Variants in TENM4 observed in about 807,000 individuals in gnomAD.
The protein encoded by TENM4 is teneurin-4.
Under a neutral mutation model 243.3 loss-of-function variants are expected in TENM4, and 82 were observed. The ratio of observed to expected loss-of-function variants is 0.34; its 90% confidence interval spans 0.28 to 0.40. TENM4 has a LOEUF of 0.40. Among genes scored for constraint, TENM4 ranks in the 10% least tolerant of loss-of-function variants. The pLI is 1.00. For synonymous variants in TENM4, 1,412 were observed against 1,456.3 expected (o/e 0.97, Z 0.69); for missense variants, 3,138 against 3,673.3 (o/e 0.85, Z 3.77).
intron 2 of TENM4, among the ~76,000 whole-genome samples, chr11:79,248,686 C>T (rs1855561023): frequency 6.6e-6 from 1 of 152,188 alleles, no homozygotes; most frequent in Admixed American, 6.5e-5. Flanking sequence ...CACAAGAGAC[C>T]TTTGAGTTAT....
intron 25 of TENM4, among the ~76,000 whole-genome samples, chr11:78,714,010 A>G (rs922714270): frequency 3.3e-5 from 5 of 152,138 alleles, no homozygotes; most frequent in African/African-American, 9.7e-5. Context: ...CTCTGTTTGG[A>G]CCGGATGGTC....
intron 6 of TENM4, among the ~76,000 whole-genome samples, chr11:78,922,348 G>A (rs1297530084): frequency 6.6e-6 from 1 of 152,194 alleles, no homozygotes; most frequent in East Asian, 1.9e-4. Context: ...ATGTCTTTAT[G>A]ATGACAATTC....
chr11:79,072,713 A>G lies in TENM4; in HGVS notation c.-65-2704T>C, dbSNP rs1860446627. Among the ~76,000 whole-genome samples the G allele has an allele frequency of 6.6e-5, 10 of 152,298 alleles. No homozygotes were observed. In the South Asian group the frequency reaches 2.1e-3, roughly 32 times the overall value. On this transcript the variant is annotated intron_variant, in intron 4 of 33. Transcript: ENST00000278550. ...AACCCAATACTGGCTTTCAACGCAA[A>G]GCACTATTCTGGTATAATTTGAATG... is the stretch of plus-strand genomic sequence containing the variant.
At chr11:79,149,001 C>T (rs139502667) in intron 3 of TENM4, among the ~76,000 whole-genome samples, 195 bp from the exon 4 acceptor site, 5 of 152,240 alleles carry the variant, frequency 3.3e-5, no homozygotes, top group Non-Finnish European at 5.9e-5. Flanking sequence ...ACTAAAGTAG[C>T]TACTAGCACA....
intron 7 of TENM4, among the ~76,000 whole-genome samples, chr11:78,902,355 G>A (rs1394978475): frequency 2.6e-5 from 4 of 152,212 alleles, no homozygotes; most frequent in East Asian, 1.9e-4. Flanking sequence ...TGTAGGCAGA[G>A]GGAAGGAGAA....
intron 1 of TENM4, among the ~76,000 whole-genome samples, chr11:79,375,297 T>A (rs1317403645): frequency 6.6e-6 from 1 of 152,152 alleles, no homozygotes; most frequent in African/African-American, 2.4e-5. Context: ...TGTTCTTATT[T>A]AAAAAATTTG....
Position 78,656,738 on chromosome 11 carries a change from T to C in TENM4, c.*1320A>G. ...CATCAGCTCTTCCCTCCTTTCTTCC[T>C]GTCACTAAAAAACACATTGGGTGGG... On this transcript the variant is annotated 3_prime_UTR_variant, in exon 34 of 34. Coordinates refer to ENST00000278550, the MANE Select transcript of TENM4 (RefSeq NM_001098816.3). 2 of 306,328 alleles carry C rather than the reference T, an allele frequency of 6.5e-6. No homozygotes were observed. Among genetic ancestry groups the C allele is most frequent in the African/African-American group, 4.3e-5 (2 of 46,760 alleles). 19.0% of individuals were successfully genotyped at this position (306,328 alleles called of 1,614,324 possible).
At chr11:79,383,356 C>A (rs1349461370) in intron 1 of TENM4, among the ~76,000 whole-genome samples, 9 of 152,226 alleles carry the variant, frequency 5.9e-5, no homozygotes, top group African/African-American at 2.2e-4. Flanking sequence ...TTTGGTTCCA[C>A]CCCCAGGTGC....
chr11:78,894,147 A>T (rs1238312909), intron 7 of TENM4, among the ~76,000 whole-genome samples: 1 of 152,332 alleles, frequency 6.6e-6, no homozygotes, highest in East Asian at 1.9e-4. Flanking sequence ...AGCAGAAGGC[A>T]TTCTGATTGT....
intron 25 of TENM4, among the ~76,000 whole-genome samples, chr11:78,713,410 A>G (rs1415468109): frequency 1.3e-5 from 2 of 152,240 alleles, no homozygotes; most frequent in East Asian, 1.9e-4. Flanking sequence ...CTGTTTCTGG[A>G]AAACAGTTAT....
chr11:79,328,041 T>A (rs1270519347), intron 1 of TENM4, among the ~76,000 whole-genome samples: 1 of 152,216 alleles, frequency 6.6e-6, no homozygotes, highest in Non-Finnish European at 1.5e-5. Flanking sequence ...AAGCTTCCTT[T>A]GAAAGGCATC....
intron 22 of TENM4, among the ~76,000 whole-genome samples, chr11:78,729,150 G>C (rs570978871): frequency 8.5e-5 from 13 of 152,224 alleles, no homozygotes; most frequent in Admixed American, 7.9e-4. Flanking sequence ...CACTTTTCAG[G>C]GCCCTTTGGT....
intron 4 of TENM4, among the ~76,000 whole-genome samples, chr11:79,110,082 A>T (rs936865822): frequency 1.3e-5 from 2 of 152,166 alleles, no homozygotes; most frequent in African/African-American, 4.8e-5. Context: ...CATCCCTTCT[A>T]TAAAGTCTTC....
intron 17 of TENM4, among the ~76,000 whole-genome samples, chr11:78,774,341 T>C (rs1856701161): frequency 6.6e-6 from 1 of 152,194 alleles, no homozygotes; most frequent in African/African-American, 2.4e-5. Context: ...ATGGTCCTTA[T>C]AAATAAATCC....
At chr11:79,219,380 A>T (rs1326840528) in intron 2 of TENM4, among the ~76,000 whole-genome samples, 1 of 152,228 alleles carries the variant, frequency 6.6e-6, no homozygotes, top group Non-Finnish European at 1.5e-5. Context: ...CAGAGATGTG[A>T]CATAATTGGA....
At chr11:79,090,411 A>C (rs191412058) in intron 4 of TENM4, among the ~76,000 whole-genome samples, 73 of 152,392 alleles carry the variant, frequency 4.8e-4, no homozygotes, top group African/African-American at 1.5e-3. Context: ...CAACATGCAG[A>C]CACCCGTGCA....
chr11:78,703,245 C>A (rs56754461), intron 27 of TENM4, among the ~76,000 whole-genome samples: 2,745 of 152,276 alleles, frequency 0.018, 75 homozygotes, highest in African/African-American at 0.063. Context: ...GTGTGGTCAT[C>A]AGCATCAGCT....
chr11:78,818,294 A>G (rs1857651952), intron 12 of TENM4, among the ~76,000 whole-genome samples: 1 of 152,212 alleles, frequency 6.6e-6, no homozygotes, highest in South Asian at 2.1e-4. Context: ...TTAGATTCTG[A>G]TTTCCGGAGT....
intron 4 of TENM4, among the ~76,000 whole-genome samples, chr11:79,075,690 C>A (rs566337820): frequency 6.6e-6 from 1 of 152,302 alleles, no homozygotes; most frequent in Middle Eastern, 3.4e-3. Context: ...CCAATCAAGA[C>A]GAAGAGCATG....
Sources: allele counts gnomAD v4.1 joint callset (sites outside exome capture counted in the v4.1 genomes callset), GRCh38; gene constraint gnomAD v4.1.1; transcripts MANE v1.5; gene names NCBI Gene and HGNC (gene_info 2026-07-23, HGNC 2026-07-21).